ESPL1: variants seen among roughly 807,000 people sequenced by gnomAD.
ESPL1 encodes the protein separin.
ESPL1 carries 50 observed loss-of-function variants against 217.2 expected under a neutral mutation model. The ratio of observed to expected loss-of-function variants is 0.23; its 90% confidence interval spans 0.18 to 0.29. The LOEUF is 0.29. ESPL1 is among the 10% of genes least tolerant of loss of function. The pLI is 1.00. For synonymous variants in ESPL1, 994 were observed against 1,081.3 expected, an observed-to-expected ratio of 0.92 and a Z score of 1.58; for missense variants, 1,834 against 2,603.0, an observed-to-expected ratio of 0.70 and a Z score of 6.43.
At chr12:53,272,078 C>T (rs1185808904) in intron 5 of ESPL1, among the ~76,000 whole-genome samples, 5 of 104,110 alleles carry the variant, frequency 4.8e-5, no homozygotes, top group Admixed American at 2.1e-4. Context: ...CAGAGCAAGA[C>T]TCTGTCTCAA....
In ESPL1 at chr12:53,277,571, A is replaced by G. The variant is rs775785772; in HGVS notation, c.2187A>G (p.Leu729=). 3.8e-5 allele frequency: 61 copies of G among 1,614,038 alleles called. No individual in the cohort carries two copies. Among genetic ancestry groups the G allele is most frequent in the Non-Finnish European group, 4.8e-5 (57 of 1,180,014 alleles). ...YEDKLQEDRF[L]YSNIAFNLAA... is the part of the protein sequence containing the mutation. ...ATAAACTCCAGGAAGATCGTTTCCTATACAGTAACATTGCCTTCAACCTGG... is the reference window on the plus strand; with the variant it reads ...ATAAACTCCAGGAAGATCGTTTCCTGTACAGTAACATTGCCTTCAACCTGG... The change falls in exon 10 of 31, where the codon CTA becomes CTG. Residue 729 remains leucine, a synonymous_variant. Transcript: ENST00000257934.
intron 17 of ESPL1, among the ~76,000 whole-genome samples, chr12:53,284,915 G>A (rs981574495): frequency 1.3e-5 from 2 of 149,780 alleles, no homozygotes; most frequent in African/African-American, 4.9e-5. Flanking sequence ...AGAAGGCTGA[G>A]GCAGGAGAAT....
In ESPL1 at chr12:53,292,290, C is replaced by A; in HGVS notation, c.5809C>A (p.Pro1937Thr). Residue 1937 changes from proline (P) to threonine (T), a missense_variant, in exon 28 of 31, where the codon CCA becomes ACA. Physicochemically the swap from Pro to Thr is conservative, Grantham distance 38. This residue lies in a region of ESPL1 where 295 missense variants were observed against 519.8 expected (regional missense o/e 0.57). Coordinates refer to ENST00000257934, the MANE Select transcript of ESPL1 (RefSeq NM_012291.5). The surrounding 1 kb of genome is among the most constrained non-coding windows in gnomAD (Gnocchi z 4.5). Reference sequence around the variant, plus strand: ...GTCTCCTCCTCAGTATGGGGCCTCGCCAGTGCTGAGTCAAGGGGTGGATCC... The same window carrying A: ...GTCTCCTCCTCAGTATGGGGCCTCGACAGTGCTGAGTCAAGGGGTGGATCC... ...YSIIKEYGAS[P>T]VLSQGVDPRS... The A allele has an allele frequency of 6.2e-7, 1 of 1,612,696 alleles. No homozygotes were observed. Among genetic ancestry groups the A allele is most frequent in the Non-Finnish European group, 8.5e-7 (1 of 1,178,736 alleles).
At chr12:53,287,896 A>G in intron 18 of ESPL1, 76 bp from the exon 19 acceptor site, 1 of 1,441,302 alleles carries the variant, frequency 6.9e-7, no homozygotes, top group Non-Finnish European at 9.3e-7. Flanking sequence ...TGGTGCCTCC[A>G]CTACGCCACC....
rs894801218 is a variant in ESPL1, at chr12:53,282,161, T to C, written c.2620-103T>C. 5 of 898,532 alleles carry C rather than the reference T, an allele frequency of 5.6e-6. No homozygotes were observed. The African/African-American group carries it at 6.7e-5, about 12-fold the overall frequency. 55.7% of individuals were successfully genotyped at this position (898,532 alleles called of 1,614,324 possible). A position where few individuals can be genotyped will look rare whatever the true frequency, so the allele number is the denominator to read the frequency against. ...TCAGAAAATTCTAAAATCTTTCTAATACCCAGGGCCTTCAGGGATGGGGCC... is the reference window on the plus strand; with the variant it reads ...TCAGAAAATTCTAAAATCTTTCTAACACCCAGGGCCTTCAGGGATGGGGCC... On this transcript the variant is annotated intron_variant, in intron 13 of 30. Coordinates refer to ENST00000257934, the MANE Select transcript of ESPL1 (RefSeq NM_012291.5). The surrounding 1 kb of genome is among the most constrained non-coding windows in gnomAD (Gnocchi z 4.0).
chr12:53,288,024 G>C lies in ESPL1; in HGVS notation c.4229G>C (p.Trp1410Ser). ...DLEDPVSAEA[W>S]LAEEPKRRGT... is the part of the protein sequence containing the mutation. The stretch of plus-strand genomic sequence containing the variant: ...GAAGACCCTGTCTCAGCTGAGGCCT[G>C]GCTGGCAGAGGAGCCTAAGAGACGG... The change falls in exon 19 of 31, where the codon TGG becomes TCG. Residue 1410 changes from tryptophan (W) to serine (S), a missense_variant. Around this residue, in one of 5 missense-constraint regions of ESPL1, gnomAD observed 681 missense variants for 808.0 expected, o/e 0.84. Transcript: ENST00000257934. The C allele has an allele frequency of 6.2e-7, 1 of 1,613,226 alleles. No homozygotes were observed.
rs1944079006 is a variant in ESPL1, at chr12:53,292,426, G to A, written c.5912+33G>A. On this transcript the variant is annotated intron_variant, in intron 28 of 30. Coordinates refer to ENST00000257934, the MANE Select transcript of ESPL1 (RefSeq NM_012291.5). This position sits in a 1 kb window ranked among gnomAD's most constrained non-coding sequence, Gnocchi z 4.5. ...GCGCGAAGACAAGAAGACGTGTGGG[G>A]AAGGGTAGACAACATACAGGGGCAA... 6.6e-7 allele frequency: 1 copy of A among 1,523,586 alleles called. No individual in the cohort carries two copies. The allele number at this position is 1,523,586 out of a possible 1,614,324, so 94.4% of individuals were successfully genotyped here.
At position 53,282,447 on chromosome 12, in the gene ESPL1, G is replaced by A. The variant is rs775763118; in HGVS notation, c.2791+12G>A. On this transcript the variant is annotated intron_variant, in intron 14 of 30. Transcript: ENST00000257934. The surrounding 1 kb of genome is among the most constrained non-coding windows in gnomAD (Gnocchi z 4.0). Reference sequence around the variant, plus strand: ...GCTCTGTGCCCAAGGTGAAAGAATAGGGTGGATGGCCCCCCTTGGATGACA... The same window carrying A: ...GCTCTGTGCCCAAGGTGAAAGAATAAGGTGGATGGCCCCCCTTGGATGACA... 4.3e-6 allele frequency: 7 copies of A among 1,613,116 alleles called. No individual in the cohort carries two copies. In the East Asian group the frequency reaches 8.9e-5, roughly 21 times the overall value.
intron 6 of ESPL1, among the ~76,000 whole-genome samples, chr12:53,273,332 C>T (rs945575901): frequency 5.3e-5 from 8 of 151,748 alleles, no homozygotes; most frequent in African/African-American, 1.2e-4. Context: ...TGTGAGCCAC[C>T]GCAGCCGGCC....
intron 12 of ESPL1, among the ~76,000 whole-genome samples, chr12:53,280,544 T>A (rs1208995868): frequency 2.0e-5 from 3 of 152,098 alleles, no homozygotes; most frequent in Non-Finnish European, 4.4e-5. Flanking sequence ...AATTTTTAAA[T>A]GTTTTGTAGA....
At chr12:53,278,608 T>TC (rs1943811233) in intron 11 of ESPL1, among the ~76,000 whole-genome samples, 1 of 151,564 alleles carries the variant, frequency 6.6e-6, no homozygotes, top group Admixed American at 6.6e-5. Context: ...TTTTTTTTTT[T>TC]CAAGATGGAG....
At chr12:53,273,794 C>G (rs1018846808) in intron 6 of ESPL1, among the ~76,000 whole-genome samples, 2 of 143,914 alleles carry the variant, frequency 1.4e-5, no homozygotes, top group African/African-American at 5.2e-5. Flanking sequence ...CCAGGTGGTC[C>G]TTTGAGCAAG....
chr12:53,285,522 C>T (rs1943932773), intron 17 of ESPL1, among the ~76,000 whole-genome samples: 1 of 152,118 alleles, frequency 6.6e-6, no homozygotes, highest in Admixed American at 6.5e-5. Flanking sequence ...TTCTGGCTAA[C>T]ACGGTGAAAC....
chr12:53,292,377 C>T lies in ESPL1; in HGVS notation c.5896C>T (p.Arg1966Ter), dbSNP rs1323144516. Residue 1966 changes from arginine to a stop codon, truncating the protein, a stop_gained, in exon 28 of 31, where the codon CGA (arginine) becomes TGA (stop). Coordinates refer to ENST00000257934, the MANE Select transcript of ESPL1 (RefSeq NM_012291.5). LOFTEE classifies it high-confidence loss of function. This position sits in a 1 kb window ranked among gnomAD's most constrained non-coding sequence, Gnocchi z 4.5. Reference sequence around the variant, plus strand: ...CCTGTCAAGCACAGAGGAGCAATTTCGAGCCAATTTCAGCAGGTCAGGGGC... The same window carrying T: ...CCTGTCAAGCACAGAGGAGCAATTTTGAGCCAATTTCAGCAGGTCAGGGGC... ...NNLSSTEEQF[R>*]ANFSSEAGWR... 4 of 1,613,414 alleles carry T rather than the reference C, an allele frequency of 2.5e-6. No individual in the cohort carries two copies. Among genetic ancestry groups the T allele is most frequent in the African/African-American group, 1.3e-5 (1 of 74,994 alleles).
chr12:53,277,723 G>A, intron 10 of ESPL1, 98 bp from the exon 11 acceptor site: 1 of 1,571,436 alleles, frequency 6.4e-7, no homozygotes, highest in African/African-American at 1.3e-5. Flanking sequence ...GGAAGCAGTG[G>A]GAGGTTGGCG....
Position 53,289,390 on chromosome 12 carries a change from C to T in ESPL1, c.4923-14C>T, listed in dbSNP as rs201713613. ...GAAGGAATGGGACCTCACCCCTCCC[C>T]GTGTTGCTTGCAGCAAGGCCCAGAA... On this transcript the variant is annotated splice_polypyrimidine_tract_variant and intron_variant, in intron 21 of 30. Coordinates refer to ENST00000257934, the MANE Select transcript of ESPL1 (RefSeq NM_012291.5). 1.7e-4 allele frequency: 278 copies of T among 1,611,966 alleles called. 1 individual carries two copies. In the East Asian group the frequency reaches 5.7e-3, roughly 33 times the overall value.
In ESPL1 at chr12:53,277,498, C is replaced by T. The variant is rs778143886; in HGVS notation, c.2114C>T (p.Ala705Val). The change falls in exon 10 of 31, where the codon GCC (alanine) becomes GTC (valine). Residue 705 changes from alanine (A) to valine (V), a missense_variant. Ala to Val is a moderately conservative substitution (Grantham distance 64, BLOSUM62 0). Around this residue, in one of 5 missense-constraint regions of ESPL1, gnomAD observed 746 missense variants for 1,077.0 expected, o/e 0.69. Transcript: ENST00000257934. ...EGIERDRRAQAPGNLEEFEVN... is the reference protein window; with the variant it reads ...EGIERDRRAQVPGNLEEFEVN... ...ATCGAGCGGGATCGGAGAGCCCAGG[C>T]CCCTGGTAACTTGGAGGAATTTGAA... 2 of 1,614,116 alleles carry T rather than the reference C, an allele frequency of 1.2e-6. No homozygotes were observed. Among genetic ancestry groups the T allele is most frequent in the East Asian group, 2.2e-5 (1 of 44,880 alleles).
Position 53,277,075 on chromosome 12 carries a change from C to T in ESPL1, c.1941-8C>T, listed in dbSNP as rs1285728051. The T allele has an allele frequency of 2.5e-6, 4 of 1,610,680 alleles. No individual in the cohort carries two copies. Among genetic ancestry groups the T allele is most frequent in the Non-Finnish European group, 3.4e-6 (4 of 1,177,774 alleles). On this transcript the variant is annotated splice_region_variant and splice_polypyrimidine_tract_variant and intron_variant, in intron 8 of 30. Transcript: ENST00000257934. The stretch of plus-strand genomic sequence containing the variant: ...TAGGCCCAGCTTAAGCACATCTTCT[C>T]CCTGCAGCTCTGCTCTGGATGCTAT...
At chr12:53,285,124 G>A (rs891245294) in intron 17 of ESPL1, among the ~76,000 whole-genome samples, 1 of 151,982 alleles carries the variant, frequency 6.6e-6, no homozygotes, top group Non-Finnish European at 1.5e-5. Flanking sequence ...AGTGGCTACC[G>A]TATTGAGTAG....
Sources: gnomAD v4.1 joint callset for allele counts (sites outside exome capture counted in the v4.1 genomes callset) on GRCh38, gnomAD v4.1.1 for gene constraint, gnomAD v4.1.1 regional missense constraint, Gnocchi (gnomAD v3.1) non-coding constraint, MANE v1.5 for transcripts, NCBI Gene and HGNC (gene_info 2026-07-23, HGNC 2026-07-21) for gene names.